The following ALDH3A2 variants were observed in gnomAD, a reference collection of about 807,000 sequenced individuals.
The protein encoded by ALDH3A2 is aldehyde dehydrogenase 3 family member A2, also known as aldehyde dehydrogenase family 3 member A2.
A neutral mutation model predicts 51.3 loss-of-function variants in ALDH3A2; 36 were observed. The observed-to-expected ratio is 0.70, with a 90% CI of 0.54 to 0.93. ALDH3A2 has a LOEUF of 0.93. Among genes scored for constraint, ALDH3A2 ranks in the 40% least tolerant of loss-of-function variants. The pLI is 0.00. For missense variants in ALDH3A2, 552 were observed against 603.1 expected, an observed-to-expected ratio of 0.92 and a Z score of 0.89; for synonymous variants, 199 against 219.8, an observed-to-expected ratio of 0.91 and a Z score of 0.84.
intron 2 of ALDH3A2, among the ~76,000 whole-genome samples, chr17:19,652,238 C>T (rs1000283688): frequency 2.0e-5 from 3 of 152,136 alleles, no homozygotes; most frequent in African/African-American, 7.2e-5. Flanking sequence ...TGAAATGGCT[C>T]ACTTGCCCAA....
chr17:19,664,369 A>G (rs1246127463), intron 7 of ALDH3A2, among the ~76,000 whole-genome samples: 2 of 152,224 alleles, frequency 1.3e-5, no homozygotes, highest in Non-Finnish European at 2.9e-5. Context: ...GACGTTTGCC[A>G]TGAACAATTG....
intron 9 of ALDH3A2, chr17:19,674,317 G>A (rs1244250841): frequency 1.3e-5 from 2 of 152,018 alleles, no homozygotes; most frequent in African/African-American, 2.4e-5. Context: ...TGGAAAATAC[G>A]GAGGCCCAGG....
At chr17:19,655,251 C>T (rs938761660) in intron 3 of ALDH3A2, 4 of 152,140 alleles carry the variant, frequency 2.6e-5, no homozygotes, top group African/African-American at 9.7e-5. Context: ...AGTTCTGGTT[C>T]TTGGAATGAT....
intron 9 of ALDH3A2, among the ~76,000 whole-genome samples, chr17:19,672,686 C>T (rs1263160468): frequency 2.6e-5 from 4 of 152,114 alleles, no homozygotes; most frequent in African/African-American, 9.7e-5. Flanking sequence ...AAAATATTGA[C>T]CATATCAGTG....
intron 4 of ALDH3A2, 75 bp downstream of exon 4, chr17:19,656,649 A>T: frequency 7.3e-7 from 1 of 1,371,342 alleles, no homozygotes; most frequent in South Asian, 1.3e-5. Flanking sequence ...TACTCTTTGT[A>T]CTTGAACCCC....
At chr17:19,661,039 T>G in intron 5 of ALDH3A2, 88 bp from the exon 6 acceptor site, 1 of 1,311,140 alleles carries the variant, frequency 7.6e-7, no homozygotes, top group Non-Finnish European at 1.1e-6. Flanking sequence ...AAAACCAGAT[T>G]GATTTTGGGG....
intron 8 of ALDH3A2, among the ~76,000 whole-genome samples, chr17:19,670,563 C>CTTT (rs112210347): frequency 1.5e-5 from 2 of 137,626 alleles, no homozygotes; most frequent in Admixed American, 7.3e-5. Flanking sequence ...CTCCCTTATT[C>CTTT]TTTTTTTTTT....
At chr17:19,665,811 T>A (rs2085029454) in intron 8 of ALDH3A2, among the ~76,000 whole-genome samples, 1 of 152,168 alleles carries the variant, frequency 6.6e-6, no homozygotes, top group Non-Finnish European at 1.5e-5. Context: ...AACATTCTCA[T>A]AACAAAAACC....
intron 8 of ALDH3A2, among the ~76,000 whole-genome samples, chr17:19,669,445 G>C (rs2085082977): frequency 6.6e-6 from 1 of 151,866 alleles, no homozygotes; most frequent in South Asian, 2.1e-4. Context: ...TATACCATCA[G>C]TACTCAATAA....
rs939231156 is a variant in ALDH3A2 at position 19,654,312 on chromosome 17, G to T, written c.471+1680G>T. ...CCCATCAGTCCAGCGCTGCGCGCCTGCACCCCTCAGCCCTTGGGCGGTCGA... is the reference window on the plus strand; with the variant it reads ...CCCATCAGTCCAGCGCTGCGCGCCTTCACCCCTCAGCCCTTGGGCGGTCGA... On this transcript the variant is annotated intron_variant, in intron 3 of 9. Transcript: ENST00000176643. The surrounding 1 kb of genome is among the most constrained non-coding windows in gnomAD (Gnocchi z 4.5). Among the ~76,000 whole-genome samples, 2 of 152,270 alleles carry T rather than the reference G, an allele frequency of 1.3e-5. No individual in the cohort carries two copies. The highest frequency in any genetic ancestry group is 4.8e-5 in the African/African-American group (2 of 41,480).
At chr17:19,656,668 T>C in intron 4 of ALDH3A2, 94 bp downstream of exon 4, 1 of 1,214,212 alleles carries the variant, frequency 8.2e-7, no homozygotes, top group South Asian at 1.3e-5. Context: ...CCATACCTTA[T>C]GGCTCCAAGA....
At chr17:19,653,637 T>A (rs2084850240) in intron 3 of ALDH3A2, among the ~76,000 whole-genome samples, 1 of 152,134 alleles carries the variant, frequency 6.6e-6, no homozygotes, top group African/African-American at 2.4e-5. Context: ...CTCGCTGGCC[T>A]CAGGAGTGAA....
rs556976955 is a variant in ALDH3A2 at position 19,657,922 on chromosome 17, A to G, written c.798+60A>G. On this transcript the variant is annotated intron_variant, in intron 5 of 9. Coordinates refer to ENST00000176643, the MANE Select transcript of ALDH3A2 (RefSeq NM_000382.3). ...AATAAGATAAGGAGTCAAATTAACT[A>G]TTCGCAGGCAGCATCCCCATTTGTT... is the stretch of plus-strand genomic sequence containing the variant. 27 of 1,318,110 alleles carry G rather than the reference A, an allele frequency of 2.0e-5. No homozygotes were observed. The South Asian group carries it at 2.8e-4, about 14-fold the overall frequency. The allele number at this position is 1,318,110 out of a possible 1,614,324, so 81.7% of individuals were successfully genotyped here.
At position 19,654,464 on chromosome 17, in the gene ALDH3A2, G is replaced by C. The variant is rs540175567; in HGVS notation, c.471+1832G>C. The stretch of plus-strand genomic sequence containing the variant: ...TGCAGGTCCCGAGCCCTGCCCTGCG[G>C]GGAGGTGGCTGAGGCCCGGCGAGAA... On this transcript the variant is annotated intron_variant, in intron 3 of 9. Coordinates refer to ENST00000176643, the MANE Select transcript of ALDH3A2 (RefSeq NM_000382.3). This position sits in a 1 kb window ranked among gnomAD's most constrained non-coding sequence, Gnocchi z 4.5. Among the ~76,000 whole-genome samples, 15 of 152,346 alleles carry C rather than the reference G, an allele frequency of 9.8e-5. No individual in the cohort carries two copies. The highest frequency in any genetic ancestry group is 5.9e-4 in the Admixed American group (9 of 15,312).
intron 5 of ALDH3A2, 140 bp from the exon 6 acceptor site, chr17:19,660,987 T>G: frequency 2.4e-6 from 2 of 845,964 alleles, no homozygotes; most frequent in South Asian, 3.1e-5. Context: ...ATACTACTGT[T>G]AAATTACTTG....
intron 3 of ALDH3A2, chr17:19,656,054 A>C (rs1172109507): frequency 2.5e-6 from 1 of 393,778 alleles, no homozygotes; most frequent in Non-Finnish European, 4.8e-6. Flanking sequence ...TTCTGCACAC[A>C]CCCGCGTCTC....
At chr17:19,664,257 C>T (rs745388972) in intron 7 of ALDH3A2, among the ~76,000 whole-genome samples, 1 of 152,122 alleles carries the variant, frequency 6.6e-6, no homozygotes, top group Non-Finnish European at 1.5e-5. Flanking sequence ...ATAATGTGGG[C>T]AGGAAGGAAC....
intron 3 of ALDH3A2, 55 bp from the exon 4 acceptor site, chr17:19,656,311 T>C (rs2084895175): frequency 1.4e-6 from 2 of 1,432,664 alleles, no homozygotes; most frequent in African/African-American, 1.4e-5. Context: ...ATTGCTGATG[T>C]TAGACGTTAG....
intron 5 of ALDH3A2, among the ~76,000 whole-genome samples, chr17:19,660,688 A>G (rs768376332): frequency 2.6e-5 from 4 of 152,232 alleles, no homozygotes; most frequent in Non-Finnish European, 5.9e-5. Context: ...GCTAGATGGT[A>G]AATATTTCAG....
Sources: allele counts gnomAD v4.1 joint callset (sites outside exome capture counted in the v4.1 genomes callset), GRCh38; gene constraint gnomAD v4.1.1; non-coding constraint Gnocchi (gnomAD v3.1); transcripts MANE v1.5; gene names NCBI Gene and HGNC (gene_info 2026-07-23, HGNC 2026-07-21).